ANKRD17: variants seen among roughly 807,000 people sequenced by gnomAD.
ANKRD17 encodes the protein ankyrin repeat domain-containing protein 17.
In ANKRD17, 19 loss-of-function variants were observed where a neutral mutation model predicts 229.7. The observed-to-expected ratio is 0.08, with a 90% CI of 0.06 to 0.12. The LOEUF (loss-of-function observed/expected upper bound fraction) is 0.12. Ranked by LOEUF, ANKRD17 falls within the 10% of genes least tolerant of loss-of-function variation. ANKRD17 has a pLI of 1.00. For missense variants in ANKRD17, 2,176 were observed against 3,176.8 expected, an observed-to-expected ratio of 0.68 and a Z score of 7.57; for synonymous variants, 1,112 against 1,146.1, an observed-to-expected ratio of 0.97 and a Z score of 0.60.
At chr4:73,154,246 TA>T in intron 5 of ANKRD17, 133 bp from the exon 6 acceptor site, 11 of 406,478 alleles carry the variant, frequency 2.7e-5, no homozygotes, top group Non-Finnish European at 4.1e-5. Flanking sequence ...TACATATATG[TA>T]AATATATATC....
intron 1 of ANKRD17, among the ~76,000 whole-genome samples, chr4:73,236,164 T>TAC (rs545219512): frequency 1.2e-4 from 19 of 152,172 alleles, no homozygotes; most frequent in Non-Finnish European, 2.4e-4. Context: ...CAAAATCCAG[T>TAC]ACTCCTTTTT....
rs149880265 is a variant in ANKRD17, at chr4:73,142,541, G to C, written c.2085+99C>G. On this transcript the variant is annotated intron_variant, in intron 12 of 33. Transcript: ENST00000358602. ...TGAAAAAGGAGAAAATTTACACTTA[G>C]AATGCCATTATGAATGGAACTTGTA... 7.5e-6 allele frequency: 12 copies of C among 1,590,194 alleles called. No individual in the cohort carries two copies. The African/African-American group carries it at 8.1e-5, about 11-fold the overall frequency.
chr4:73,172,678 G>A (rs1317447855), intron 2 of ANKRD17, among the ~76,000 whole-genome samples: 1 of 152,050 alleles, frequency 6.6e-6, no homozygotes, highest in Non-Finnish European at 1.5e-5. Context: ...AACTTAAGGT[G>A]TCGAGTCATT....
At chr4:73,122,977 T>C (rs999673437) in intron 18 of ANKRD17, among the ~76,000 whole-genome samples, 2 of 152,106 alleles carry the variant, frequency 1.3e-5, no homozygotes, top group African/African-American at 4.8e-5. Flanking sequence ...TCCAACATTT[T>C]ATTAATCACT....
At chr4:73,161,146 T>C in intron 3 of ANKRD17, 46 bp downstream of exon 3, 1 of 1,598,514 alleles carries the variant, frequency 6.3e-7, no homozygotes, top group Non-Finnish European at 8.5e-7. Context: ...TTGTTATTAT[T>C]TTTAAGAAAA....
intron 7 of ANKRD17, 116 bp downstream of exon 7, chr4:73,151,314 C>G: frequency 2.3e-6 from 2 of 860,300 alleles, no homozygotes; most frequent in Non-Finnish European, 3.6e-6. Flanking sequence ...ACAACTGATT[C>G]AATAAGGTTC....
chr4:73,102,676 G>T, intron 24 of ANKRD17, 129 bp from the exon 25 acceptor site: 1 of 1,047,218 alleles, frequency 9.5e-7, no homozygotes. Context: ...TCAATTCATT[G>T]TTTTATCAAG....
At chr4:73,167,548 T>C (rs1296860310) in intron 2 of ANKRD17, among the ~76,000 whole-genome samples, 4 of 152,136 alleles carry the variant, frequency 2.6e-5, no homozygotes, top group African/African-American at 7.2e-5. Context: ...TCTTAAGCAT[T>C]TGAAGAACAC....
At chr4:73,169,908 TC>T (rs1733752903) in intron 2 of ANKRD17, among the ~76,000 whole-genome samples, 1 of 152,102 alleles carries the variant, frequency 6.6e-6, no homozygotes, top group Admixed American at 6.5e-5. Flanking sequence ...AAATTGTCCA[TC>T]CCAGCAGTCC....
chr4:73,224,908 C>T (rs1261917250), intron 1 of ANKRD17, among the ~76,000 whole-genome samples: 2 of 152,140 alleles, frequency 1.3e-5, no homozygotes, highest in Admixed American at 6.5e-5. Flanking sequence ...AATAAGGGAA[C>T]CAAGTATCAG....
intron 1 of ANKRD17, among the ~76,000 whole-genome samples, chr4:73,181,716 CAT>C (rs1735570283): frequency 6.6e-6 from 1 of 151,890 alleles, no homozygotes. Context: ...ACTTCTGGAA[CAT>C]AACAAACATT....
In ANKRD17 at chr4:73,153,450, T is replaced by C. The variant is rs751540496; in HGVS notation, c.1234+430A>G. 6.6e-5 allele frequency among the ~76,000 whole-genome samples: 10 copies of C among 152,162 alleles called. 1 individual carries two copies. In the South Asian group the frequency reaches 1.2e-3, roughly 19 times the overall value. On this transcript the variant is annotated intron_variant, in intron 6 of 33. Coordinates refer to ENST00000358602, the MANE Select transcript of ANKRD17 (RefSeq NM_032217.5). ...GGCTGTGTTTTAACAATCTAGAATA[T>C]AGAACATTAATTATCTACAGACAAA...
intron 24 of ANKRD17, among the ~76,000 whole-genome samples, chr4:73,105,096 A>T (rs1250572145): frequency 6.6e-6 from 1 of 152,164 alleles, no homozygotes; most frequent in Non-Finnish European, 1.5e-5. Context: ...GAGAGTAGGT[A>T]GGGCACTAAT....
At chr4:73,179,518 A>ATATATATATATATTTT (rs1192164276) in intron 1 of ANKRD17, among the ~76,000 whole-genome samples, 1 of 40,780 alleles carries the variant, frequency 2.5e-5, no homozygotes, top group African/African-American at 9.2e-5. Flanking sequence ...ATATATATAT[A>ATATATATATATATTTT]TTTTTTTTTT....
chr4:73,205,448 T>G (rs141681991), intron 1 of ANKRD17, among the ~76,000 whole-genome samples: 2 of 152,216 alleles, frequency 1.3e-5, no homozygotes, highest in Non-Finnish European at 2.9e-5. Flanking sequence ...ACCCATTTTA[T>G]GGTCAATTGA....
intron 1 of ANKRD17, among the ~76,000 whole-genome samples, chr4:73,182,116 A>G (rs1379794582): frequency 7.0e-6 from 1 of 143,334 alleles, no homozygotes; most frequent in Admixed American, 7.2e-5. Context: ...ATTCGAAAAT[A>G]TTTTATTTGA....
chr4:73,185,006 CA>C (rs1158922362), intron 1 of ANKRD17, among the ~76,000 whole-genome samples: 1 of 151,982 alleles, frequency 6.6e-6, no homozygotes, highest in Non-Finnish European at 1.5e-5. Context: ...AGAGACAAAA[CA>C]ACCAATTACG....
chr4:73,224,792 A>T (rs1742294077), intron 1 of ANKRD17, among the ~76,000 whole-genome samples: 1 of 152,224 alleles, frequency 6.6e-6, no homozygotes, highest in Non-Finnish European at 1.5e-5. Context: ...AGCTAAGCTA[A>T]TTAAGTTGAA....
At chr4:73,099,435 C>T (rs1286190636) in intron 25 of ANKRD17, among the ~76,000 whole-genome samples, 2 of 152,208 alleles carry the variant, frequency 1.3e-5, no homozygotes, top group Non-Finnish European at 2.9e-5. Flanking sequence ...GCTAACATCC[C>T]ACTTAGCCAC....
Sources: allele counts gnomAD v4.1 joint callset (sites outside exome capture counted in the v4.1 genomes callset), GRCh38; gene constraint gnomAD v4.1.1; transcripts MANE v1.5; gene names NCBI Gene and HGNC (gene_info 2026-07-23, HGNC 2026-07-21).